Variants in FIG4 observed in about 807,000 individuals in gnomAD.
FIG4 encodes the protein polyphosphoinositide phosphatase.
A neutral mutation model predicts 118.6 loss-of-function variants in FIG4; 112 were observed. That is an observed-to-expected ratio of 0.94 (90% CI 0.81 to 1.11). The LOEUF is 1.11. FIG4 is among the 50% of genes least tolerant of loss of function. FIG4 has a pLI of 0.00. For missense variants in FIG4, 969 were observed against 1,111.7 expected, an observed-to-expected ratio of 0.87 and a Z score of 1.83; for synonymous variants, 369 against 381.2, an observed-to-expected ratio of 0.97 and a Z score of 0.37.
intron 15 of FIG4, among the ~76,000 whole-genome samples, chr6:109,776,641 T>A (rs1362078957): frequency 6.6e-6 from 1 of 152,210 alleles, no homozygotes; most frequent in Non-Finnish European, 1.5e-5. Flanking sequence ...ATCTGAGTTC[T>A]TAAAGATGTT....
At chr6:109,770,739 G>A (rs550626845) in intron 15 of FIG4, among the ~76,000 whole-genome samples, 1 of 152,254 alleles carries the variant, frequency 6.6e-6, no homozygotes, top group South Asian at 2.1e-4. Context: ...GATCTCTTGA[G>A]AACTCACTAT....
Position 109,735,183 on chromosome 6 carries a change from T to G in FIG4, c.531T>G (p.Tyr177Ter), listed in dbSNP as rs760575768. ...YSYDLSHSLQ[Y>*]NLTVLRMPLE... is the part of the protein sequence containing the mutation. ...ATGATTTGTCCCACTCACTTCAATA[T>G]AATCTCACTGTCTTGCGAATGCCCC... Residue 177 changes from tyrosine to a stop codon, truncating the protein, a stop_gained, in exon 6 of 23, where the codon TAT becomes TAG. Coordinates refer to ENST00000230124, the MANE Select transcript of FIG4 (RefSeq NM_014845.6). LOFTEE classifies it high-confidence loss of function. The G allele has an allele frequency of 2.5e-6, 4 of 1,613,068 alleles. No individual in the cohort carries two copies. Among genetic ancestry groups the G allele is most frequent in the Non-Finnish European group, 3.4e-6 (4 of 1,179,184 alleles).
intron 3 of FIG4, among the ~76,000 whole-genome samples, chr6:109,721,504 A>G (rs572854974): frequency 6.6e-6 from 1 of 152,302 alleles, no homozygotes; most frequent in Admixed American, 6.5e-5. Context: ...CCTTTTTAAT[A>G]TACTTTGCTT....
chr6:109,754,781 GT>G (rs1308125560), intron 10 of FIG4, among the ~76,000 whole-genome samples: 1 of 152,128 alleles, frequency 6.6e-6, no homozygotes, highest in Non-Finnish European at 1.5e-5. Flanking sequence ...GGGATCGGTG[GT>G]GATATCTCCT....
intron 9 of FIG4, 140 bp from the exon 10 acceptor site, chr6:109,743,535 A>G: frequency 1.4e-6 from 1 of 724,692 alleles, no homozygotes; most frequent in Non-Finnish European, 2.5e-6. Context: ...GTGTCTAGTG[A>G]GCATCTTAAG....
At chr6:109,792,561 T>C (rs1583742717) in intron 20 of FIG4, 21 bp from the exon 21 acceptor site, 1 of 323,900 alleles carries the variant, frequency 3.1e-6, no homozygotes, top group South Asian at 4.8e-5. Flanking sequence ...CTGGTTCTTC[T>C]TTTTTTTTTT....
chr6:109,793,057 A>G (rs1416360383), intron 21 of FIG4, among the ~76,000 whole-genome samples: 1 of 152,204 alleles, frequency 6.6e-6, no homozygotes, highest in Non-Finnish European at 1.5e-5. Context: ...CTTAAAATGC[A>G]GTTTCAGCAT....
At chr6:109,747,943 G>A (rs892375455) in intron 10 of FIG4, among the ~76,000 whole-genome samples, 10 of 152,052 alleles carry the variant, frequency 6.6e-5, no homozygotes, top group Non-Finnish European at 1.3e-4. Flanking sequence ...GAACCATGGC[G>A]CCTGGCTGGA....
At chr6:109,715,908 A>T (rs922193461) in intron 2 of FIG4, among the ~76,000 whole-genome samples, 2 of 152,164 alleles carry the variant, frequency 1.3e-5, no homozygotes, top group African/African-American at 4.8e-5. Flanking sequence ...CTTGTAACAA[A>T]ACTATTTTCT....
Position 109,738,348 on chromosome 6 carries a change from C to A in FIG4, c.670C>A (p.Pro224Thr). 6.2e-7 allele frequency: 1 copy of A among 1,607,148 alleles called. No individual in the cohort carries two copies. The highest frequency in any genetic ancestry group is 1.1e-5 in the South Asian group (1 of 90,898). The change falls in exon 7 of 23, where the codon CCT becomes ACT. Residue 224 changes from proline to threonine, a missense_variant. By Grantham distance (38) the Pro-to-Thr change is conservative. Coordinates refer to ENST00000230124, the MANE Select transcript of FIG4 (RefSeq NM_014845.6). Reference sequence around the variant, plus strand: ...AGGGGTATTTGGGATCTGTAGTGAGCCTTATATGAAATATGTATGGAATGG... The same window carrying A: ...AGGGGTATTTGGGATCTGTAGTGAGACTTATATGAAATATGTATGGAATGG... ...GSGVFGICSE[P>T]YMKYVWNGEL... is the part of the protein sequence containing the mutation.
chr6:109,708,143 C>T (rs550766762), intron 1 of FIG4, among the ~76,000 whole-genome samples: 70 of 152,244 alleles, frequency 4.6e-4, no homozygotes, highest in Middle Eastern at 3.4e-3. Context: ...CCTCTCCCTC[C>T]TCCCACCCTC....
chr6:109,792,687 T>C, intron 21 of FIG4, 23 bp downstream of exon 21: 1 of 1,321,360 alleles, frequency 7.6e-7, no homozygotes, highest in Non-Finnish European at 1.1e-6. Context: ...CATGTAGATA[T>C]TAAAGAAAAA....
In FIG4 at chr6:109,743,859, T is replaced by G. The variant is rs1169917760; in HGVS notation, c.1137+87T>G. 86 of 919,664 alleles carry G rather than the reference T, an allele frequency of 9.4e-5. No homozygotes were observed. In the South Asian group the frequency reaches 1.1e-3, roughly 12 times the overall value. 57.0% of individuals were successfully genotyped at this position (919,664 alleles called of 1,614,324 possible). On this transcript the variant is annotated intron_variant, in intron 10 of 22. Coordinates refer to ENST00000230124, the MANE Select transcript of FIG4 (RefSeq NM_014845.6). The stretch of plus-strand genomic sequence containing the variant: ...CACAGAGGGGGTTAACAAGCCATGC[T>G]TTCCCTCTTCCTAGTGGAGAGACGT...
At chr6:109,701,357 T>G (rs1404015392) in intron 1 of FIG4, among the ~76,000 whole-genome samples, 1 of 152,226 alleles carries the variant, frequency 6.6e-6, no homozygotes, top group East Asian at 1.9e-4. Flanking sequence ...ACTAGGAGTT[T>G]CCAGCAGAGA....
chr6:109,813,795 G>T (rs566466968), intron 22 of FIG4, among the ~76,000 whole-genome samples: 108 of 152,282 alleles, frequency 7.1e-4, no homozygotes, highest in Non-Finnish European at 1.3e-3. Flanking sequence ...CATGTTGTGA[G>T]CAGCCATATG....
At chr6:109,799,358 T>G (rs1778370319) in intron 22 of FIG4, among the ~76,000 whole-genome samples, 1 of 152,104 alleles carries the variant, frequency 6.6e-6, no homozygotes, top group South Asian at 2.1e-4. Flanking sequence ...TTTTGGTGTT[T>G]TTGGGGTGTG....
At chr6:109,750,849 G>C (rs1776673147) in intron 10 of FIG4, among the ~76,000 whole-genome samples, 1 of 152,060 alleles carries the variant, frequency 6.6e-6, no homozygotes, top group South Asian at 2.1e-4. Flanking sequence ...TGTCAGATTT[G>C]ATATAAGCAT....
chr6:109,764,759 A>C (rs897550374), intron 13 of FIG4, among the ~76,000 whole-genome samples: 2 of 152,264 alleles, frequency 1.3e-5, no homozygotes, highest in Non-Finnish European at 2.9e-5. Flanking sequence ...AAGTAAATTC[A>C]AATATAGACC....
Position 109,768,732 on chromosome 6 carries a change from C to T in FIG4, c.1750+1837C>T, listed in dbSNP as rs74497424. 2.5e-3 allele frequency among the ~76,000 whole-genome samples: 384 copies of T among 152,216 alleles called. 15 individuals are homozygous for T. In the East Asian group the frequency reaches 0.067, roughly 27 times the overall value. ...TAATGTAATAATGGGAGTGACATCC[C>T]GTCATCTTTGCCATATTTCTTTGGT... On this transcript the variant is annotated intron_variant, in intron 15 of 22. Coordinates refer to ENST00000230124, the MANE Select transcript of FIG4 (RefSeq NM_014845.6).
Sources: gnomAD v4.1 joint callset for allele counts (sites outside exome capture counted in the v4.1 genomes callset) on GRCh38, gnomAD v4.1.1 for gene constraint, MANE v1.5 for transcripts, NCBI Gene and HGNC (gene_info 2026-07-23, HGNC 2026-07-21) for gene names.